USP10: variants seen among roughly 807,000 people sequenced by gnomAD.
The protein encoded by USP10 is ubiquitin carboxyl-terminal hydrolase 10.
In USP10, 22 loss-of-function variants were observed where a neutral mutation model predicts 84.5. The ratio of observed to expected loss-of-function variants is 0.26; its 90% CI spans 0.19 to 0.37. The LOEUF is 0.37. USP10 is among the 10% of genes least tolerant of loss of function. The probability of loss-of-function intolerance (pLI) is 1.00; values close to 1 mark genes in which losing one functional copy is unlikely to be tolerated. For missense variants in USP10, 1,019 were observed against 998.9 expected, an observed-to-expected ratio of 1.02 and a Z score of -0.27; for synonymous variants, 454 against 387.6, an observed-to-expected ratio of 1.17 and a Z score of -2.01.
At chr16:84,738,134 T>C (rs1202352422) in intron 2 of USP10, among the ~76,000 whole-genome samples, 1 of 152,016 alleles carries the variant, frequency 6.6e-6, no homozygotes, top group Non-Finnish European at 1.5e-5. Context: ...CTTCTCTGAA[T>C]TGTGCGTCTT....
intron 13 of USP10, among the ~76,000 whole-genome samples, chr16:84,776,588 C>A (rs1234204225): frequency 6.6e-6 from 1 of 152,100 alleles, no homozygotes; most frequent in African/African-American, 2.4e-5. Context: ...GTGTGGCACC[C>A]AGGTCCCAGT....
chr16:84,710,643 T>C (rs1567589211), intron 1 of USP10, among the ~76,000 whole-genome samples: 1 of 152,220 alleles, frequency 6.6e-6, no homozygotes, highest in Non-Finnish European at 1.5e-5. Context: ...TTAGGTGACT[T>C]GTTACCTTAT....
intron 8 of USP10, among the ~76,000 whole-genome samples, chr16:84,760,773 C>T (rs1016725568): frequency 2.6e-5 from 4 of 152,052 alleles, no homozygotes; most frequent in African/African-American, 9.7e-5. Flanking sequence ...ACCAAGGGGC[C>T]AGGGAGCCCT....
intron 1 of USP10, among the ~76,000 whole-genome samples, chr16:84,724,055 G>C (rs1361456444): frequency 6.6e-6 from 1 of 152,180 alleles, no homozygotes; most frequent in Non-Finnish European, 1.5e-5. Flanking sequence ...AGATAAAGTT[G>C]ACTGAATTTA....
At chr16:84,770,435 T>C (rs547662445) in intron 11 of USP10, among the ~76,000 whole-genome samples, 69 of 152,268 alleles carry the variant, frequency 4.5e-4, no homozygotes, top group African/African-American at 1.5e-3. Flanking sequence ...ATATGAAATA[T>C]TTGCTATATA....
chr16:84,715,505 G>A (rs763135823), intron 1 of USP10, among the ~76,000 whole-genome samples: 13 of 152,120 alleles, frequency 8.5e-5, no homozygotes, highest in Non-Finnish European at 1.5e-4. Flanking sequence ...CAAAGTGCTG[G>A]GATTACAGGC....
intron 2 of USP10, among the ~76,000 whole-genome samples, chr16:84,738,025 A>C (rs1336793376): frequency 6.6e-6 from 1 of 152,114 alleles, no homozygotes; most frequent in African/African-American, 2.4e-5. Flanking sequence ...GTGAGTGTTC[A>C]CACCCCGTGG....
intron 1 of USP10, among the ~76,000 whole-genome samples, chr16:84,727,813 T>C (rs1265676676): frequency 6.6e-6 from 1 of 152,252 alleles, no homozygotes; most frequent in Non-Finnish European, 1.5e-5. Flanking sequence ...AGAATAGGCA[T>C]ATTCTCTTAA....
At position 84,759,389 on chromosome 16, in the gene USP10, G is replaced by A. The variant is rs199738029; in HGVS notation, c.1311G>A (p.Pro437=). 6.2e-5 allele frequency: 100 copies of A among 1,613,936 alleles called. No homozygotes were observed. The African/African-American group carries it at 9.1e-4, about 15-fold the overall frequency. ...CACTGCAGGCATTGGTTGCTTGCCCGCCGATGTACCACCTGATGAAGTTCA... is the reference window on the plus strand; with the variant it reads ...CACTGCAGGCATTGGTTGCTTGCCCACCGATGTACCACCTGATGAAGTTCA... The part of the protein sequence containing the change: ...NATLQALVAC[P]PMYHLMKFIP... The change falls in exon 6 of 14, where the codon CCG becomes CCA. Residue 437 remains proline, a synonymous_variant. Transcript: ENST00000219473.
At chr16:84,765,088 G>A (rs1475417497) in intron 10 of USP10, among the ~76,000 whole-genome samples, 1 of 151,354 alleles carries the variant, frequency 6.6e-6, no homozygotes, top group Admixed American at 6.6e-5. Flanking sequence ...AAAAAAACCA[G>A]CTAACCAAAC....
intron 1 of USP10, among the ~76,000 whole-genome samples, chr16:84,719,553 C>G (rs1425050509): frequency 6.6e-6 from 1 of 152,210 alleles, no homozygotes; most frequent in Non-Finnish European, 1.5e-5. Context: ...TGTCTTAGGC[C>G]TTTGTCCAAT....
chr16:84,767,272 C>T (rs764215262), intron 10 of USP10, among the ~76,000 whole-genome samples: 9 of 151,218 alleles, frequency 6.0e-5, no homozygotes, highest in African/African-American at 1.9e-4. Context: ...TGGAATGTTT[C>T]CTTGCTGAGG....
At chr16:84,741,174 A>G (rs1188015570) in intron 3 of USP10, among the ~76,000 whole-genome samples, 1 of 152,260 alleles carries the variant, frequency 6.6e-6, no homozygotes, top group Non-Finnish European at 1.5e-5. Flanking sequence ...AGGCTTCAAT[A>G]GAAGCCTTGA....
chr16:84,731,072 C>A (rs373608592), intron 1 of USP10, among the ~76,000 whole-genome samples: 1 of 150,430 alleles, frequency 6.6e-6, no homozygotes, highest in African/African-American at 2.4e-5. Context: ...CTCCACCTCC[C>A]GGGTTCAAGC....
chr16:84,774,671 T>C (rs952696055), intron 12 of USP10, among the ~76,000 whole-genome samples: 6 of 152,042 alleles, frequency 3.9e-5, no homozygotes, highest in Admixed American at 6.6e-5. Flanking sequence ...GTGGTTTCAC[T>C]GTATTAGCCA....
intron 12 of USP10, among the ~76,000 whole-genome samples, chr16:84,773,551 C>G (rs1191492206): frequency 1.3e-5 from 2 of 152,222 alleles, no homozygotes; most frequent in African/African-American, 4.8e-5. Context: ...AAGACTCAGA[C>G]ACTGTCTCTC....
chr16:84,727,036 A>T (rs576394808), intron 1 of USP10, among the ~76,000 whole-genome samples: 1 of 152,286 alleles, frequency 6.6e-6, no homozygotes, highest in South Asian at 2.1e-4. Context: ...GCAGTGTCAC[A>T]GTTTCTGTGG....
In USP10 at chr16:84,768,267, A is replaced by G. The variant is rs2150864885; in HGVS notation, c.1907A>G (p.Gln636Arg). The change falls in exon 11 of 14, where the codon CAG becomes CGG. Residue 636 changes from glutamine (Q) to arginine (R), a missense_variant. Gln to Arg is a conservative substitution (Grantham distance 43, BLOSUM62 1). Coordinates refer to ENST00000219473, the MANE Select transcript of USP10 (RefSeq NM_005153.3). ...TTTTTCACGTTGCAGTTGGATATCC[A>G]GTCAGACAAGATACGCACAGTCCAG... ...QPFFTLQLDIQSDKIRTVQDA... is the reference protein window; with the variant it reads ...QPFFTLQLDIRSDKIRTVQDA... The G allele has an allele frequency of 6.2e-7, 1 of 1,606,570 alleles. No individual in the cohort carries two copies. Among genetic ancestry groups the G allele is most frequent in the East Asian group, 2.2e-5 (1 of 44,792 alleles).
At chr16:84,734,365 C>T (rs912540284) in intron 2 of USP10, among the ~76,000 whole-genome samples, 4 of 152,194 alleles carry the variant, frequency 2.6e-5, no homozygotes, top group African/African-American at 7.2e-5. Context: ...TTACATCTCC[C>T]AGATTACAAA....
Sources: allele counts gnomAD v4.1 joint callset (sites outside exome capture counted in the v4.1 genomes callset), GRCh38; gene constraint gnomAD v4.1.1; transcripts MANE v1.5; gene names NCBI Gene and HGNC (gene_info 2026-07-23, HGNC 2026-07-21).